Variants in TMEM132B observed in about 807,000 individuals in gnomAD.
TMEM132B encodes the protein transmembrane protein 132B.
In TMEM132B, 18 loss-of-function variants were observed where a neutral mutation model predicts 90.8. The ratio of observed to expected loss-of-function variants is 0.20; its 90% CI spans 0.14 to 0.29. The LOEUF (loss-of-function observed/expected upper bound fraction) is 0.29, where lower values mean the gene tolerates loss of function less well. Ranked by LOEUF, TMEM132B falls within the 10% of genes least tolerant of loss-of-function variation. The pLI is 1.00. For synonymous variants in TMEM132B, 504 were observed against 523.3 expected (o/e 0.96, Z 0.50); for missense variants, 1,096 against 1,326.8 (o/e 0.83, Z 2.70).
At chr12:125,285,647 TC>T (rs1875329210) in intron 1 of TMEM132B, among the ~76,000 whole-genome samples, 1 of 152,158 alleles carries the variant, frequency 6.6e-6, no homozygotes. Flanking sequence ...CACAGGTGGT[TC>T]CCACAGAAGG....
intron 3 of TMEM132B, among the ~76,000 whole-genome samples, chr12:125,448,653 T>G (rs910479347): frequency 4.6e-5 from 7 of 152,240 alleles, no homozygotes; most frequent in African/African-American, 1.7e-4. Flanking sequence ...AAGGCTGCTA[T>G]GAACATTCAC....
intron 1 of TMEM132B, among the ~76,000 whole-genome samples, chr12:125,331,388 C>T (rs1434681190): frequency 2.0e-5 from 3 of 152,240 alleles, no homozygotes; most frequent in Non-Finnish European, 2.9e-5. Flanking sequence ...GTGGGGTCCA[C>T]GGCGAAGCCC....
At chr12:125,287,012 C>CTTTT (rs34506859) in intron 1 of TMEM132B, among the ~76,000 whole-genome samples, 1 of 142,522 alleles carries the variant, frequency 7.0e-6, no homozygotes. Context: ...CAGAATTCCT[C>CTTTT]TTTTTTTTTT....
chr12:125,625,113 T>C (rs1449608179), intron 5 of TMEM132B, among the ~76,000 whole-genome samples: 1 of 150,716 alleles, frequency 6.6e-6, no homozygotes, highest in Non-Finnish European at 1.5e-5. Flanking sequence ...TAATATGTAG[T>C]CTTTTGGATT....
intron 2 of TMEM132B, among the ~76,000 whole-genome samples, chr12:125,396,500 C>G (rs936021020): frequency 3.3e-5 from 5 of 152,016 alleles, no homozygotes; most frequent in African/African-American, 1.2e-4. Flanking sequence ...GAGGTAGGTA[C>G]TATTATTTAT....
At chr12:125,481,258 C>G (rs971502707) in intron 3 of TMEM132B, among the ~76,000 whole-genome samples, 18 of 152,126 alleles carry the variant, frequency 1.2e-4, no homozygotes, top group Non-Finnish European at 2.2e-4. Context: ...CTGGCCAGGG[C>G]AATCAGGCAA....
At chr12:125,562,084 T>G (rs1884546811) in intron 4 of TMEM132B, among the ~76,000 whole-genome samples, 1 of 152,246 alleles carries the variant, frequency 6.6e-6, no homozygotes, top group Non-Finnish European at 1.5e-5. Context: ...CTAGATCTTC[T>G]GAATAACTTG....
At chr12:125,564,207 A>C (rs757560) in intron 4 of TMEM132B, among the ~76,000 whole-genome samples, 139,938 of 152,272 alleles carry the variant, frequency 0.92, 64,317 homozygotes, top group Middle Eastern at 0.96. Context: ...CACAGCGGTT[A>C]CTTTGAATGA....
chr12:125,307,796 CAAGTATATATACTTATAATACTTAT>C (rs1197450502), intron 1 of TMEM132B, among the ~76,000 whole-genome samples: 2 of 25,414 alleles, frequency 7.9e-5, no homozygotes, highest in African/African-American at 3.3e-4. Flanking sequence ...AAGTATATTA[CAAGTATATATACTTATAATACTTAT>C]AAGTATATAT....
At position 125,451,238 on chromosome 12, in the gene TMEM132B, T is replaced by C. The variant is rs548952128; in HGVS notation, c.1106+35561T>C. Among the ~76,000 whole-genome samples, 5 of 152,344 alleles carry C rather than the reference T, an allele frequency of 3.3e-5. No homozygotes were observed. The South Asian group carries it at 1.0e-3, about 32-fold the overall frequency. Reference sequence around the variant, plus strand: ...TGTTAAATTTACTGAAATTGATGACTGTACTATGGTTCTGTTCTAGAATAT... The same window carrying C: ...TGTTAAATTTACTGAAATTGATGACCGTACTATGGTTCTGTTCTAGAATAT... On this transcript the variant is annotated intron_variant, in intron 3 of 8. Coordinates refer to ENST00000682704, the MANE Select transcript of TMEM132B (RefSeq NM_001366854.1).
chr12:125,347,815 C>T (rs1192248725), intron 1 of TMEM132B, among the ~76,000 whole-genome samples: 2 of 152,172 alleles, frequency 1.3e-5, no homozygotes, highest in African/African-American at 4.8e-5. Context: ...CTTGTTGGGT[C>T]TTTGCTGTCT....
chr12:125,652,922 C>A (rs543292991), intron 8 of TMEM132B, among the ~76,000 whole-genome samples: 2 of 152,314 alleles, frequency 1.3e-5, no homozygotes, highest in South Asian at 2.1e-4. Context: ...CAAAGGATCA[C>A]GTGTTTTCAC....
intron 4 of TMEM132B, among the ~76,000 whole-genome samples, chr12:125,577,545 C>A (rs1311268830): frequency 1.3e-5 from 2 of 148,728 alleles, no homozygotes; most frequent in African/African-American, 4.9e-5. Flanking sequence ...TAGTAAATAC[C>A]AATATTTAAT....
intron 1 of TMEM132B, among the ~76,000 whole-genome samples, chr12:125,291,037 C>G (rs1443595372): frequency 6.6e-6 from 1 of 152,180 alleles, no homozygotes; most frequent in African/African-American, 2.4e-5. Flanking sequence ...CCAATTCATA[C>G]GTTGAAATGC....
At chr12:125,311,763 A>C (rs2136177753) in intron 1 of TMEM132B, among the ~76,000 whole-genome samples, 1 of 152,278 alleles carries the variant, frequency 6.6e-6, no homozygotes, top group South Asian at 2.1e-4. Context: ...GATGTGTGGC[A>C]GGGGCAGGGA....
chr12:125,347,780 G>GT (rs1161969167), intron 1 of TMEM132B, among the ~76,000 whole-genome samples: 1 of 152,180 alleles, frequency 6.6e-6, no homozygotes, highest in Admixed American at 6.5e-5. Flanking sequence ...CTGGTTCCTG[G>GT]TGGGCTGTCT....
intron 3 of TMEM132B, among the ~76,000 whole-genome samples, chr12:125,517,327 A>ATTTTTTTT (rs56147854): frequency 1.4e-4 from 4 of 28,476 alleles, no homozygotes; most frequent in South Asian, 9.9e-4. Context: ...TGCCCTGCTG[A>ATTTTTTTT]TTTTTTTTTT....
chr12:125,434,867 G>A (rs1478809738), intron 3 of TMEM132B, among the ~76,000 whole-genome samples: 2 of 152,286 alleles, frequency 1.3e-5, no homozygotes, highest in South Asian at 4.1e-4. Flanking sequence ...CTGATGCAGC[G>A]GGGTCAGGAG....
intron 1 of TMEM132B, among the ~76,000 whole-genome samples, chr12:125,339,416 T>C (rs951831660): frequency 1.3e-5 from 2 of 151,896 alleles, no homozygotes; most frequent in African/African-American, 4.8e-5. Context: ...GCCAGTCCAA[T>C]TGAACTGGGG....
Sources: gnomAD v4.1 joint callset for allele counts (sites outside exome capture counted in the v4.1 genomes callset) on GRCh38, gnomAD v4.1.1 for gene constraint, MANE v1.5 for transcripts, NCBI Gene and HGNC (gene_info 2026-07-23, HGNC 2026-07-21) for gene names.